The following CTNNA2 variants were observed in gnomAD, a reference collection of about 807,000 sequenced individuals.
CTNNA2 encodes catenin alpha 2, also known as catenin alpha-2.
Under a neutral mutation model 101.0 loss-of-function variants are expected in CTNNA2, and 42 were observed. The observed-to-expected ratio is 0.42, with a 90% confidence interval of 0.32 to 0.54. The LOEUF (loss-of-function observed/expected upper bound fraction) is 0.54. Among genes scored for constraint, CTNNA2 ranks in the 20% least tolerant of loss-of-function variants. The probability of loss-of-function intolerance (pLI) is 0.14; values close to 1 mark genes in which losing one functional copy is unlikely to be tolerated. For synonymous variants in CTNNA2, 450 were observed against 456.4 expected, an observed-to-expected ratio of 0.99 and a Z score of 0.18; for missense variants, 871 against 1,223.1, an observed-to-expected ratio of 0.71 and a Z score of 4.29.
intron 7 of CTNNA2, among the ~76,000 whole-genome samples, chr2:80,101,280 G>C (rs1022226223): frequency 5.3e-5 from 8 of 152,082 alleles, no homozygotes; most frequent in Non-Finnish European, 1.0e-4. Flanking sequence ...AAAATGCTTT[G>C]TGATTGCCAG....
chr2:80,081,114 G>C (rs1573020094), intron 7 of CTNNA2, among the ~76,000 whole-genome samples: 1 of 144,198 alleles, frequency 6.9e-6, no homozygotes, highest in South Asian at 2.2e-4. Flanking sequence ...AAAAAAAAAA[G>C]CGTGGTCGGG....
At chr2:79,467,254 A>G (rs1318610102) in intron 4 of CTNNA2, among the ~76,000 whole-genome samples, 1 of 152,250 alleles carries the variant, frequency 6.6e-6, no homozygotes, top group Non-Finnish European at 1.5e-5. Context: ...AGCCGATTTG[A>G]TCAACTGGAA....
At chr2:79,733,792 A>G (rs1309736323) in intron 2 of CTNNA2, among the ~76,000 whole-genome samples, 1 of 152,096 alleles carries the variant, frequency 6.6e-6, no homozygotes, top group Admixed American at 6.5e-5. Flanking sequence ...TACTCCCTAT[A>G]GAGTATGTGC....
intron 1 of CTNNA2, among the ~76,000 whole-genome samples, chr2:79,628,553 T>G (rs2104340093): frequency 6.6e-6 from 1 of 152,304 alleles, no homozygotes; most frequent in East Asian, 1.9e-4. Flanking sequence ...TAAGTATTTG[T>G]GCTTTTAAAG....
intron 7 of CTNNA2, among the ~76,000 whole-genome samples, chr2:79,966,483 G>T (rs1432540480): frequency 1.3e-5 from 2 of 152,100 alleles, no homozygotes; most frequent in African/African-American, 2.4e-5. Context: ...TGATCCTCCC[G>T]CCTTGGCTTC....
intron 1 of CTNNA2, among the ~76,000 whole-genome samples, chr2:79,640,051 A>G (rs1680345565): frequency 6.6e-6 from 1 of 152,082 alleles, no homozygotes; most frequent in Non-Finnish European, 1.5e-5. Context: ...ACTGCTAATC[A>G]TTGTGAAAGT....
intron 4 of CTNNA2, among the ~76,000 whole-genome samples, chr2:79,414,175 C>G (rs572781234): frequency 2.6e-5 from 4 of 151,978 alleles, no homozygotes; most frequent in Admixed American, 1.3e-4. Context: ...TACTCCCTTT[C>G]TCATCCCTCC....
intron 2 of CTNNA2, among the ~76,000 whole-genome samples, chr2:79,712,248 A>G (rs896416961): frequency 6.6e-6 from 1 of 152,174 alleles, no homozygotes; most frequent in Non-Finnish European, 1.5e-5. Flanking sequence ...TGGAGAGTCA[A>G]AAGATTTATG....
At chr2:80,098,782 C>G (rs915327392) in intron 7 of CTNNA2, among the ~76,000 whole-genome samples, 2 of 152,184 alleles carry the variant, frequency 1.3e-5, no homozygotes, top group Non-Finnish European at 2.9e-5. Context: ...AGGGAGGCTT[C>G]GTGGGCATAG....
intron 2 of CTNNA2, among the ~76,000 whole-genome samples, chr2:79,280,533 A>G (rs1198734055): frequency 2.6e-5 from 4 of 151,512 alleles, no homozygotes; most frequent in Non-Finnish European, 2.9e-5. Flanking sequence ...AAGATACTCA[A>G]CCTCTTTGGG....
intron 9 of CTNNA2, among the ~76,000 whole-genome samples, chr2:80,516,072 G>A (rs2149562711): frequency 6.6e-6 from 1 of 152,212 alleles, no homozygotes; most frequent in Admixed American, 6.5e-5. Flanking sequence ...GACAACAGTG[G>A]GATTCATTAT....
chr2:79,735,535 T>C (rs1573827589), intron 2 of CTNNA2, among the ~76,000 whole-genome samples: 1 of 152,308 alleles, frequency 6.6e-6, no homozygotes, highest in East Asian at 1.9e-4. Context: ...AGATATTTAT[T>C]TGGGGAGTTA....
At chr2:80,570,414 A>G (rs1277559349) in intron 12 of CTNNA2, among the ~76,000 whole-genome samples, 1 of 152,206 alleles carries the variant, frequency 6.6e-6, no homozygotes, top group East Asian at 1.9e-4. Flanking sequence ...TGGAGAGCAG[A>G]GGTATTGGTG....
chr2:79,828,104 T>A (rs775469301), intron 3 of CTNNA2, among the ~76,000 whole-genome samples: 14 of 152,158 alleles, frequency 9.2e-5, no homozygotes, highest in Admixed American at 2.6e-4. Context: ...ACATATGAGG[T>A]TAAAGGAAAG....
At chr2:79,584,439 T>C (rs1676341886) in intron 1 of CTNNA2, among the ~76,000 whole-genome samples, 1 of 152,080 alleles carries the variant, frequency 6.6e-6, no homozygotes, top group African/African-American at 2.4e-5. Flanking sequence ...TGTGTTTCAG[T>C]CAATTTTAGT....
intron 1 of CTNNA2, among the ~76,000 whole-genome samples, chr2:79,631,736 G>A (rs12464312): frequency 0.45 from 67,751 of 152,046 alleles, 19,646 homozygotes; most frequent in African/African-American, 0.8. Flanking sequence ...AAAAAAGTAC[G>A]TAGTTAAAAT....
chr2:79,510,180 C>T (rs1337255957), upstream of CTNNA2, among the ~76,000 whole-genome samples: 1 of 152,026 alleles, frequency 6.6e-6, no homozygotes, highest in Non-Finnish European at 1.5e-5. Context: ...AACAATGATC[C>T]TTTTGTTTGA....
chr2:80,625,601 AG>A (rs1338524404), intron 18 of CTNNA2, among the ~76,000 whole-genome samples: 1 of 152,038 alleles, frequency 6.6e-6, no homozygotes, highest in Non-Finnish European at 1.5e-5. Context: ...TAGTTATAAC[AG>A]GGAATATGTT....
At chr2:80,208,237 TA>T (rs1461350077) in intron 7 of CTNNA2, among the ~76,000 whole-genome samples, 1 of 152,222 alleles carries the variant, frequency 6.6e-6, no homozygotes, top group Non-Finnish European at 1.5e-5. Flanking sequence ...ATATGTGCTT[TA>T]ATTTTCGTTC....
Sources: allele counts gnomAD v4.1 joint callset (sites outside exome capture counted in the v4.1 genomes callset), GRCh38; gene constraint gnomAD v4.1.1; transcripts MANE v1.5; gene names NCBI Gene and HGNC (gene_info 2026-07-23, HGNC 2026-07-21).